FZD3: variants seen among roughly 807,000 people sequenced by gnomAD.
The protein encoded by FZD3 is frizzled-3.
FZD3 carries 30 observed loss-of-function variants against 60.7 expected under a neutral mutation model. The observed-to-expected ratio is 0.49, with a 90% CI of 0.37 to 0.67. The LOEUF (loss-of-function observed/expected upper bound fraction) is 0.67. Ranked by LOEUF, FZD3 falls within the 30% of genes least tolerant of loss-of-function variation. FZD3 has a pLI of 0.00. For missense variants in FZD3, 605 were observed against 838.7 expected, an observed-to-expected ratio of 0.72 and a Z score of 3.44; for synonymous variants, 246 against 275.2, an observed-to-expected ratio of 0.89 and a Z score of 1.05.
chr8:28,532,558 G>T (rs967071926), intron 5 of FZD3, among the ~76,000 whole-genome samples: 1 of 151,340 alleles, frequency 6.6e-6, no homozygotes, highest in Admixed American at 6.6e-5. Flanking sequence ...CCCCAAGTAG[G>T]TGGGGCTTAC....
intron 3 of FZD3, among the ~76,000 whole-genome samples, chr8:28,514,340 G>T (rs1384369800): frequency 6.6e-6 from 1 of 151,990 alleles, no homozygotes; most frequent in African/African-American, 2.4e-5. Context: ...AGGGCAATTT[G>T]CTTATTTGAA....
chr8:28,506,619 A>G (rs1804147801), intron 3 of FZD3, among the ~76,000 whole-genome samples: 1 of 152,066 alleles, frequency 6.6e-6, no homozygotes, highest in South Asian at 2.1e-4. Context: ...AAACTCCTGG[A>G]ATGGTTTGTG....
chr8:28,529,125 C>T (rs922260859), intron 5 of FZD3, among the ~76,000 whole-genome samples: 5 of 151,934 alleles, frequency 3.3e-5, no homozygotes, highest in Non-Finnish European at 5.9e-5. Context: ...TCACTTGTTG[C>T]CCAGGCTAGT....
chr8:28,527,500 T>C lies in FZD3; in HGVS notation c.740T>C (p.Met247Thr), dbSNP rs1486205115. The change falls in exon 5 of 8, where the codon ATG becomes ACG. Residue 247 changes from methionine (M) to threonine (T), a missense_variant. By Grantham distance (81) the Met-to-Thr change is moderately conservative. Coordinates refer to ENST00000240093, the MANE Select transcript of FZD3 (RefSeq NM_017412.4). This position sits in a 1 kb window ranked among gnomAD's most constrained non-coding sequence, Gnocchi z 5.0. ...ATATTTTATGCAGTCTGCTACATGA[T>C]GGTATCCTTAATTTTCTTCATTGGA... ...PIIFYAVCYM[M>T]VSLIFFIGFL... 1.9e-6 allele frequency: 3 copies of C among 1,613,818 alleles called. No homozygotes were observed. Among genetic ancestry groups the C allele is most frequent in the Admixed American group, 3.3e-5 (2 of 60,000 alleles).
At chr8:28,539,303 C>T (rs115611261) in intron 5 of FZD3, among the ~76,000 whole-genome samples, 1,637 of 152,300 alleles carry the variant, frequency 0.011, 30 homozygotes, top group African/African-American at 0.037. Context: ...AGGTTGCATG[C>T]ACCATTTATT....
At chr8:28,554,910 G>C (rs1383703361) in intron 6 of FZD3, among the ~76,000 whole-genome samples, 1 of 152,048 alleles carries the variant, frequency 6.6e-6, no homozygotes, top group Non-Finnish European at 1.5e-5. Flanking sequence ...AACTTTATGA[G>C]TTTTCATAGT....
rs1393655088 is a variant in FZD3, at chr8:28,573,780, T to G, written c.*10769T>G. On this transcript the variant is annotated 3_prime_UTR_variant, in exon 8 of 8. Coordinates refer to ENST00000240093, the MANE Select transcript of FZD3 (RefSeq NM_017412.4). ...ATAAAGGTAGAAAAAGTATTCCTTT[T>G]CATTATTCTAAAAAATATGTCATTT... 1 of 152,112 alleles carries G rather than the reference T, an allele frequency of 6.6e-6. No individual in the cohort carries two copies. 9.4% of individuals were successfully genotyped at this position (152,112 alleles called of 1,614,324 possible).
At chr8:28,524,043 G>A (rs1804653434) in intron 4 of FZD3, among the ~76,000 whole-genome samples, 1 of 151,940 alleles carries the variant, frequency 6.6e-6, no homozygotes, top group South Asian at 2.1e-4. Context: ...CTCTTGACTT[G>A]GACTTCCCAG....
intron 3 of FZD3, among the ~76,000 whole-genome samples, chr8:28,506,517 C>G (rs76162664): frequency 0.014 from 2,078 of 152,226 alleles, 51 homozygotes; most frequent in African/African-American, 0.048. Context: ...GTGGAACGAG[C>G]AATCTTTAAT....
chr8:28,511,896 A>G (rs890399555), intron 3 of FZD3, among the ~76,000 whole-genome samples: 7 of 152,194 alleles, frequency 4.6e-5, no homozygotes, highest in Non-Finnish European at 8.8e-5. Context: ...ACAGAACCTC[A>G]CACATAGTAA....
intron 4 of FZD3, 143 bp downstream of exon 4, chr8:28,520,977 C>T (rs1804563560): frequency 7.0e-6 from 3 of 426,838 alleles, no homozygotes; most frequent in Middle Eastern, 1.2e-3. Context: ...TATGGCCTCA[C>T]AATTGTTTAT....
Position 28,571,025 on chromosome 8 carries a change from A to T in FZD3, c.*8014A>T. 1.0e-5 allele frequency: 1 copy of T among 97,484 alleles called. No individual in the cohort carries two copies. The highest frequency in any genetic ancestry group is 2.2e-5 in the Non-Finnish European group (1 of 45,644). The allele number at this position is 97,484 out of a possible 1,614,324, so 6.0% of individuals were successfully genotyped here. On this transcript the variant is annotated 3_prime_UTR_variant, in exon 8 of 8. Transcript: ENST00000240093. ...TATTATTATGTTATTTCGATTGCCT[A>T]CCAAAAAAAAAAAAAAAAGAAAAGG...
intron 4 of FZD3, among the ~76,000 whole-genome samples, chr8:28,521,167 C>T (rs1314828139): frequency 6.6e-6 from 1 of 152,062 alleles, no homozygotes; most frequent in Non-Finnish European, 1.5e-5. Context: ...CCATTTATTA[C>T]CTCATCATTG....
chr8:28,552,612 G>C (rs1805433727), intron 6 of FZD3, among the ~76,000 whole-genome samples: 1 of 151,840 alleles, frequency 6.6e-6, no homozygotes, highest in Non-Finnish European at 1.5e-5. Flanking sequence ...ATTTTTTTGT[G>C]GGTAGTCTGT....
intron 5 of FZD3, chr8:28,530,419 TCA>T (rs942054643): frequency 2.8e-4 from 43 of 152,086 alleles, no homozygotes; most frequent in African/African-American, 8.7e-4. Flanking sequence ...TAGTCTATGG[TCA>T]CACCACCCTG....
intron 4 of FZD3, among the ~76,000 whole-genome samples, chr8:28,524,579 C>T (rs1372691897): frequency 6.6e-6 from 1 of 152,208 alleles, no homozygotes; most frequent in African/African-American, 2.4e-5. Flanking sequence ...TCTGTTATTT[C>T]TCAGACTGTT....
Position 28,502,662 on chromosome 8 carries a change from C to T in FZD3, c.-344-8C>T. ...ATTTCTCCCATTTTTTAAAATAATA[C>T]TTTTCAGATATTTCAGTTGAAGGAA... On this transcript the variant is annotated splice_region_variant and splice_polypyrimidine_tract_variant and intron_variant, in intron 2 of 7. Coordinates refer to ENST00000240093, the MANE Select transcript of FZD3 (RefSeq NM_017412.4). 6.2e-6 allele frequency: 1 copy of T among 162,446 alleles called. No homozygotes were observed. The highest frequency in any genetic ancestry group is 1.3e-5 in the Non-Finnish European group (1 of 75,138). 10.1% of individuals were successfully genotyped at this position (162,446 alleles called of 1,614,324 possible).
chr8:28,502,210 A>G lies in FZD3; in HGVS notation c.-344-460A>G, dbSNP rs554978489. 9.8e-5 allele frequency among the ~76,000 whole-genome samples: 15 copies of G among 152,328 alleles called. No homozygotes were observed. In the South Asian group the frequency reaches 3.1e-3, roughly 32 times the overall value. On this transcript the variant is annotated intron_variant, in intron 2 of 7. Coordinates refer to ENST00000240093, the MANE Select transcript of FZD3 (RefSeq NM_017412.4). ...ATCTGTATCTTTTGACTTACTTTTC[A>G]GACCACTTTCACAGATGCCTTCTGC...
chr8:28,515,977 T>C (rs556315250), intron 3 of FZD3, among the ~76,000 whole-genome samples: 3 of 152,378 alleles, frequency 2.0e-5, no homozygotes, highest in Admixed American at 6.5e-5. Context: ...AAACCACTGC[T>C]AAATCCAAGG....
Sources: gnomAD v4.1 joint callset for allele counts (sites outside exome capture counted in the v4.1 genomes callset) on GRCh38, gnomAD v4.1.1 for gene constraint, Gnocchi (gnomAD v3.1) non-coding constraint, MANE v1.5 for transcripts, NCBI Gene and HGNC (gene_info 2026-07-23, HGNC 2026-07-21) for gene names.